Variants in PTPRT observed in about 807,000 individuals in gnomAD.
PTPRT encodes the protein protein tyrosine phosphatase receptor type T.
Under a neutral mutation model 176.8 loss-of-function variants are expected in PTPRT, and 56 were observed. The ratio of observed to expected loss-of-function variants is 0.32; its 90% CI spans 0.26 to 0.40. The LOEUF is 0.40. PTPRT is among the 10% of genes least tolerant of loss of function. PTPRT has a pLI of 1.00. For synonymous variants in PTPRT, 783 were observed against 739.0 expected (o/e 1.06, Z -0.96); for missense variants, 1,540 against 1,908.2 (o/e 0.81, Z 3.60).
chr20:42,116,980 C>T (rs763342274), intron 21 of PTPRT, among the ~76,000 whole-genome samples: 2 of 152,198 alleles, frequency 1.3e-5, no homozygotes, highest in Non-Finnish European at 2.9e-5. Flanking sequence ...CACCCTGGGC[C>T]TGGGTCCCTG....
intron 8 of PTPRT, among the ~76,000 whole-genome samples, chr20:42,471,294 G>T (rs967063721): frequency 3.3e-5 from 5 of 152,170 alleles, no homozygotes; most frequent in Non-Finnish European, 4.4e-5. Context: ...GATATAGTTT[G>T]GGTATTTGTC....
At chr20:42,118,522 A>T (rs370825481) in intron 20 of PTPRT, 22 bp from the exon 21 acceptor site, 25 of 1,582,302 alleles carry the variant, frequency 1.6e-5, no homozygotes, top group Non-Finnish European at 2.1e-5. Flanking sequence ...GAAGACAGTG[A>T]GGTTAGAGAA....
intron 7 of PTPRT, among the ~76,000 whole-genome samples, chr20:42,645,364 A>C (rs187087673): frequency 6.6e-6 from 1 of 152,192 alleles, no homozygotes; most frequent in Non-Finnish European, 1.5e-5. Flanking sequence ...AAATACCCTA[A>C]CTTTCTAAGG....
intron 16 of PTPRT, among the ~76,000 whole-genome samples, chr20:42,172,745 C>T (rs1435406809): frequency 1.3e-5 from 2 of 152,042 alleles, no homozygotes; most frequent in Admixed American, 1.3e-4. Context: ...TTAATTTATG[C>T]AATTTTATCC....
At chr20:42,706,175 C>T (rs986590335) in intron 6 of PTPRT, among the ~76,000 whole-genome samples, 1 of 109,280 alleles carries the variant, frequency 9.2e-6, no homozygotes, top group African/African-American at 6.6e-5. Context: ...CTCTCTCTCT[C>T]TGTTTGTGTG....
intron 6 of PTPRT, among the ~76,000 whole-genome samples, chr20:42,726,610 C>G (rs538773853): frequency 6.6e-6 from 1 of 152,356 alleles, no homozygotes; most frequent in South Asian, 2.1e-4. Flanking sequence ...GAGTGAGACA[C>G]ATAACCTTTG....
intron 1 of PTPRT, among the ~76,000 whole-genome samples, chr20:42,996,355 C>T (rs997100737): frequency 6.6e-6 from 1 of 152,060 alleles, no homozygotes; most frequent in African/African-American, 2.4e-5. Context: ...TACCCTGCAG[C>T]GACTGCATAT....
chr20:43,177,923 G>C (rs1303972841), intron 1 of PTPRT, among the ~76,000 whole-genome samples: 3 of 152,188 alleles, frequency 2.0e-5, no homozygotes, highest in African/African-American at 7.2e-5. Context: ...AGAGCATCAA[G>C]TCCCAGAAAT....
chr20:42,660,279 T>C (rs1275851036), intron 7 of PTPRT, among the ~76,000 whole-genome samples: 1 of 152,152 alleles, frequency 6.6e-6, no homozygotes, highest in Non-Finnish European at 1.5e-5. Context: ...ATAGGTTCTC[T>C]TACAGCTGTG....
chr20:42,351,350 C>T (rs748612330), intron 10 of PTPRT, among the ~76,000 whole-genome samples: 4 of 152,064 alleles, frequency 2.6e-5, no homozygotes, highest in Admixed American at 1.3e-4. Context: ...TGTAAAAACA[C>T]GGAAGCACCA....
At chr20:42,377,047 G>C (rs1267604175) in intron 9 of PTPRT, among the ~76,000 whole-genome samples, 1 of 152,170 alleles carries the variant, frequency 6.6e-6, no homozygotes, top group South Asian at 2.1e-4. Context: ...TGTCAGATGC[G>C]TGTCTTTTGG....
chr20:42,413,563 T>C (rs1385346823), intron 9 of PTPRT, among the ~76,000 whole-genome samples: 1 of 152,196 alleles, frequency 6.6e-6, no homozygotes, highest in African/African-American at 2.4e-5. Context: ...AGCAGCTCAA[T>C]AAAATACCAT....
In PTPRT at chr20:42,529,325, GACC is replaced by G. The variant is rs535648636; in HGVS notation, c.1154-56766_1154-56764del. Among the ~76,000 whole-genome samples, 268 of 152,146 alleles carry G rather than the reference GACC, an allele frequency of 1.8e-3. 3 individuals are homozygous for G. Among genetic ancestry groups the G allele is most frequent in the South Asian group, 0.015 (70 of 4,820 alleles). On this transcript the variant is annotated intron_variant, in intron 7 of 30. Transcript: ENST00000373187. ...AATAGTACGGGGAAGGGCACCGTGA[GACC>G]ACGACTGTCTAATGAGCCGGGTTTG...
intron 7 of PTPRT, among the ~76,000 whole-genome samples, chr20:42,569,498 T>A (rs967818456): frequency 1.3e-5 from 2 of 152,192 alleles, no homozygotes; most frequent in Admixed American, 6.5e-5. Context: ...ATGAATCAAC[T>A]AATGATTGTT....
intron 1 of PTPRT, among the ~76,000 whole-genome samples, chr20:43,105,367 G>A (rs1027823575): frequency 1.3e-5 from 2 of 150,268 alleles, no homozygotes; most frequent in African/African-American, 2.5e-5. Context: ...TAGCTTTACC[G>A]ACTCCATGAA....
intron 7 of PTPRT, among the ~76,000 whole-genome samples, chr20:42,583,432 G>A (rs536491605): frequency 6.6e-6 from 1 of 152,308 alleles, no homozygotes; most frequent in Non-Finnish European, 1.5e-5. Flanking sequence ...ATGCAAAAGT[G>A]TCTGGGGATC....
intron 2 of PTPRT, among the ~76,000 whole-genome samples, chr20:42,847,971 T>C (rs2078404404): frequency 6.6e-6 from 1 of 152,216 alleles, no homozygotes; most frequent in Non-Finnish European, 1.5e-5. Context: ...TGTAGTATTT[T>C]ATCCCTCACC....
chr20:43,166,827 TGAA>T (rs2014871548), intron 1 of PTPRT, among the ~76,000 whole-genome samples: 1 of 152,108 alleles, frequency 6.6e-6, no homozygotes, highest in African/African-American at 2.4e-5. Context: ...GGGTTATAAA[TGAA>T]TAATAATAAA....
intron 7 of PTPRT, among the ~76,000 whole-genome samples, chr20:42,515,003 G>A (rs2072034409): frequency 6.6e-6 from 1 of 152,128 alleles, no homozygotes; most frequent in Non-Finnish European, 1.5e-5. Context: ...ATCCTCTTCT[G>A]TAAAAATCAG....
Sources: gnomAD v4.1 joint callset for allele counts (sites outside exome capture counted in the v4.1 genomes callset) on GRCh38, gnomAD v4.1.1 for gene constraint, MANE v1.5 for transcripts, NCBI Gene and HGNC (gene_info 2026-07-23, HGNC 2026-07-21) for gene names.